LDB2: variants seen among roughly 807,000 people sequenced by gnomAD.
LDB2 encodes the protein LIM domain-binding protein 2.
In LDB2, 12 loss-of-function variants were observed where a neutral mutation model predicts 44.3. The observed-to-expected ratio is 0.27, with a 90% confidence interval of 0.17 to 0.44. The LOEUF (loss-of-function observed/expected upper bound fraction) is 0.44, where lower values mean the gene tolerates loss of function less well. LDB2 is among the 20% of genes least tolerant of loss of function. LDB2 has a pLI of 1.00. For synonymous variants in LDB2, 164 were observed against 174.8 expected (o/e 0.94, Z 0.49); for missense variants, 344 against 473.5 (o/e 0.73, Z 2.54).
chr4:16,584,203 G>C (rs890759230), intron 5 of LDB2, among the ~76,000 whole-genome samples: 2 of 152,182 alleles, frequency 1.3e-5, no homozygotes, highest in Admixed American at 1.3e-4. Flanking sequence ...CAGGCCCTGT[G>C]CTAAGCCCTT....
chr4:16,526,151 T>TG (rs1170027687), intron 5 of LDB2, among the ~76,000 whole-genome samples: 1 of 152,140 alleles, frequency 6.6e-6, no homozygotes, highest in African/African-American at 2.4e-5. Flanking sequence ...GTGGACTCAG[T>TG]GGGGAAGATC....
chr4:16,560,983 A>T (rs1243027711), intron 5 of LDB2, among the ~76,000 whole-genome samples: 2 of 152,132 alleles, frequency 1.3e-5, no homozygotes, highest in Middle Eastern at 3.2e-3. Context: ...ATTATCTCAA[A>T]AGATGCAGAA....
intron 2 of LDB2, among the ~76,000 whole-genome samples, chr4:16,666,711 ATT>A (rs557958947): frequency 2.0e-4 from 30 of 152,268 alleles, no homozygotes; most frequent in African/African-American, 6.7e-4. Context: ...AATTCACAAT[ATT>A]TTGCAGAATC....
At chr4:16,883,902 T>A (rs183509282) in intron 1 of LDB2, among the ~76,000 whole-genome samples, 27 of 151,664 alleles carry the variant, frequency 1.8e-4, no homozygotes, top group Admixed American at 3.3e-4. Context: ...GAACTTTGCA[T>A]CTTTAAAAAA....
At chr4:16,772,530 C>A (rs1770934487) in intron 1 of LDB2, among the ~76,000 whole-genome samples, 1 of 152,134 alleles carries the variant, frequency 6.6e-6, no homozygotes, top group African/African-American at 2.4e-5. Context: ...CATAGAGTAC[C>A]AGGAACTTTC....
intron 2 of LDB2, among the ~76,000 whole-genome samples, chr4:16,661,403 G>T (rs892456525): frequency 1.3e-5 from 2 of 152,130 alleles, no homozygotes; most frequent in Non-Finnish European, 2.9e-5. Flanking sequence ...TTGAGAAATG[G>T]ACTGAGAGGG....
At chr4:16,622,127 G>A (rs999950669) in intron 2 of LDB2, among the ~76,000 whole-genome samples, 15 of 152,210 alleles carry the variant, frequency 9.9e-5, no homozygotes, top group African/African-American at 1.9e-4. Flanking sequence ...TTGCCTTTGC[G>A]GCCAGTGAAT....
At chr4:16,880,345 G>A (rs1298683023) in intron 1 of LDB2, among the ~76,000 whole-genome samples, 3 of 152,252 alleles carry the variant, frequency 2.0e-5, no homozygotes, top group South Asian at 2.1e-4. Context: ...GAGAAGGAAC[G>A]GCTGAAATCC....
chr4:16,544,788 C>CCAAT (rs1735108850), intron 5 of LDB2, among the ~76,000 whole-genome samples: 2 of 152,226 alleles, frequency 1.3e-5, no homozygotes, highest in South Asian at 4.2e-4. Flanking sequence ...CAAGTGAAAA[C>CCAAT]ATTGAAGAGG....
intron 1 of LDB2, among the ~76,000 whole-genome samples, chr4:16,841,008 G>A (rs552586093): frequency 1.1e-4 from 16 of 151,902 alleles, no homozygotes; most frequent in African/African-American, 1.4e-4. Flanking sequence ...TGTTTCCCCC[G>A]TCTCTGCATG....
intron 2 of LDB2, among the ~76,000 whole-genome samples, chr4:16,629,767 C>A (rs1223107877): frequency 6.6e-6 from 1 of 151,896 alleles, no homozygotes; most frequent in African/African-American, 2.4e-5. Flanking sequence ...CTGAAAACCA[C>A]AGAACAACAA....
intron 5 of LDB2, among the ~76,000 whole-genome samples, chr4:16,557,505 G>A (rs1299077256): frequency 6.6e-6 from 1 of 152,230 alleles, no homozygotes; most frequent in East Asian, 1.9e-4. Flanking sequence ...CAGCGAGGCT[G>A]GGGGAGGGGC....
At chr4:16,805,848 T>C (rs1245929055) in intron 1 of LDB2, among the ~76,000 whole-genome samples, 1 of 152,194 alleles carries the variant, frequency 6.6e-6, no homozygotes, top group Non-Finnish European at 1.5e-5. Flanking sequence ...AATTATCCTG[T>C]GGCTTGCACA....
At chr4:16,711,862 G>T (rs1460133152) in intron 2 of LDB2, among the ~76,000 whole-genome samples, 1 of 152,142 alleles carries the variant, frequency 6.6e-6, no homozygotes, top group African/African-American at 2.4e-5. Context: ...TTTAACAAAT[G>T]GTGCTGAGAT....
intron 2 of LDB2, among the ~76,000 whole-genome samples, chr4:16,643,599 T>C (rs1040677149): frequency 2.6e-5 from 4 of 152,234 alleles, no homozygotes; most frequent in African/African-American, 9.6e-5. Context: ...AGTATGCAGA[T>C]CATGCCTAAA....
intron 7 of LDB2, chr4:16,505,751 C>G: frequency 7.3e-7 from 1 of 1,375,234 alleles, no homozygotes; most frequent in Non-Finnish European, 9.7e-7. Context: ...ACAAGGCCAA[C>G]TTCTGCTCCT....
chr4:16,858,041 TTAA>T (rs978578791), intron 1 of LDB2, among the ~76,000 whole-genome samples: 15 of 152,208 alleles, frequency 9.9e-5, no homozygotes, highest in East Asian at 5.8e-4. Context: ...AAGATTGATA[TTAA>T]TAATAATTAC....
chr4:16,709,204 A>T (rs149254939), intron 2 of LDB2, among the ~76,000 whole-genome samples: 1 of 152,230 alleles, frequency 6.6e-6, no homozygotes, highest in Admixed American at 6.5e-5. Context: ...ATTAATGAGC[A>T]GTTTTAAGAT....
intron 5 of LDB2, among the ~76,000 whole-genome samples, chr4:16,548,060 G>A (rs1736387024): frequency 6.6e-6 from 1 of 151,872 alleles, no homozygotes; most frequent in African/African-American, 2.4e-5. Context: ...CCAGGTTCAA[G>A]GGATTCTCCT....
Sources: allele counts gnomAD v4.1 joint callset (sites outside exome capture counted in the v4.1 genomes callset), GRCh38; gene constraint gnomAD v4.1.1; transcripts MANE v1.5; gene names NCBI Gene and HGNC (gene_info 2026-07-23, HGNC 2026-07-21).